Variants in TTC7B observed in about 807,000 individuals in gnomAD.
TTC7B encodes tetratricopeptide repeat protein 7B.
In TTC7B, 28 loss-of-function variants were observed where a neutral mutation model predicts 106.8. The ratio of observed to expected loss-of-function variants is 0.26; its 90% CI spans 0.19 to 0.36. The LOEUF is 0.36. Ranked by LOEUF, TTC7B falls within the 10% of genes least tolerant of loss-of-function variation. TTC7B has a pLI of 1.00. For synonymous variants in TTC7B, 405 were observed against 430.6 expected (o/e 0.94, Z 0.74); for missense variants, 862 against 1,076.4 (o/e 0.80, Z 2.79).
chr14:90,685,587 C>A (rs561729212), intron 7 of TTC7B, among the ~76,000 whole-genome samples: 37 of 151,242 alleles, frequency 2.4e-4, no homozygotes, highest in Non-Finnish European at 4.6e-4. Context: ...ACAAAATTGA[C>A]AAAACTTTTA....
chr14:90,621,993 T>C (rs905330811), intron 15 of TTC7B, among the ~76,000 whole-genome samples: 2 of 152,160 alleles, frequency 1.3e-5, no homozygotes, highest in African/African-American at 4.8e-5. Flanking sequence ...AAGAAAATTA[T>C]GGAAAAACTT....
chr14:90,755,075 T>C (rs957478248), intron 3 of TTC7B, among the ~76,000 whole-genome samples: 18 of 152,236 alleles, frequency 1.2e-4, no homozygotes, highest in African/African-American at 2.7e-4. Context: ...TATTCCATTA[T>C]ACGGATACAC....
At chr14:90,743,589 G>A (rs1454976071) in intron 4 of TTC7B, among the ~76,000 whole-genome samples, 3 of 152,116 alleles carry the variant, frequency 2.0e-5, no homozygotes, top group Non-Finnish European at 2.9e-5. Flanking sequence ...AGTGTCCTTG[G>A]TGAGAACTCC....
intron 5 of TTC7B, among the ~76,000 whole-genome samples, chr14:90,716,173 G>T (rs1888649087): frequency 6.6e-6 from 1 of 152,184 alleles, no homozygotes; most frequent in Admixed American, 6.5e-5. Flanking sequence ...GTGGGGGTCA[G>T]TGGGTGGAAA....
Position 90,541,175 on chromosome 14 carries a change from CAAAAAAA to C in TTC7B, c.*186_*192del. 2 of 462,156 alleles carry C rather than the reference CAAAAAAA, an allele frequency of 4.3e-6. No individual in the cohort carries two copies. Among genetic ancestry groups the C allele is most frequent in the Admixed American group, 3.9e-5 (1 of 25,844 alleles). The allele number at this position is 462,156 out of a possible 1,614,324, so 28.6% of individuals were successfully genotyped here. A position where few individuals can be genotyped will look rare whatever the true frequency, so the allele number is the denominator to read the frequency against. ...GGTTCAGAAACTACCATTGGGCTGG[CAAAAAAA>C]ACAAGAGAAACGCACATGGCGAGAG... On this transcript the variant is annotated 3_prime_UTR_variant, in exon 20 of 20. Transcript: ENST00000328459.
chr14:90,777,532 A>C (rs1891072428), intron 3 of TTC7B, among the ~76,000 whole-genome samples: 1 of 151,894 alleles, frequency 6.6e-6, no homozygotes, highest in Admixed American at 6.6e-5. Context: ...CTATCTGAAA[A>C]CCCTGGCCAA....
chr14:90,635,808 T>C (rs577873274), intron 15 of TTC7B, among the ~76,000 whole-genome samples: 11 of 142,890 alleles, frequency 7.7e-5, no homozygotes, highest in Non-Finnish European at 1.4e-4. Context: ...GAAGAGTACA[T>C]CCAAAACGTA....
intron 1 of TTC7B, among the ~76,000 whole-genome samples, chr14:90,801,318 G>A (rs72695569): frequency 0.041 from 6,265 of 151,552 alleles, 170 homozygotes; most frequent in Non-Finnish European, 0.058. Flanking sequence ...AAGAGTCCCC[G>A]GAAGGAACGC....
Position 90,610,815 on chromosome 14 carries a change from G to C in TTC7B, c.1893C>G (p.Leu631=). 1 of 1,613,950 alleles carries C rather than the reference G, an allele frequency of 6.2e-7. No individual in the cohort carries two copies. Among genetic ancestry groups the C allele is most frequent in the Non-Finnish European group, 8.5e-7 (1 of 1,179,860 alleles). ...NPSDSGRGSS[L]LDRTIADRRQ... is the part of the protein sequence containing the mutation. The stretch of plus-strand genomic sequence containing the variant: ...GTCTGTCAGCAATGGTTCTATCTAA[G>C]AGGCTGCTCCCACGTCCAGAATCAC... Residue 631 remains leucine, a synonymous_variant, in exon 17 of 20, where the codon CTC becomes CTG. Coordinates refer to ENST00000328459, the MANE Select transcript of TTC7B (RefSeq NM_001010854.2).
chr14:90,581,109 G>A lies in TTC7B; in HGVS notation c.2108-2801C>T, dbSNP rs61987004. Among the ~76,000 whole-genome samples the A allele has an allele frequency of 5.8e-3, 883 of 152,324 alleles. 4 individuals carry two copies. Among genetic ancestry groups the A allele is most frequent in the South Asian group, 0.014 (68 of 4,824 alleles). ...GGCCCAGATGCACACAGTGCCTTCT[G>A]TCTGTACTTGTGCCTGCCAGTCCCT... On this transcript the variant is annotated intron_variant, in intron 18 of 19. Coordinates refer to ENST00000328459, the MANE Select transcript of TTC7B (RefSeq NM_001010854.2).
At chr14:90,623,466 C>T (rs1259033118) in intron 15 of TTC7B, among the ~76,000 whole-genome samples, 1 of 152,198 alleles carries the variant, frequency 6.6e-6, no homozygotes, top group African/African-American at 2.4e-5. Flanking sequence ...AAAGAAGATC[C>T]ATTGCCAAAT....
At chr14:90,598,684 C>T (rs900042055) in intron 17 of TTC7B, among the ~76,000 whole-genome samples, 12 of 152,212 alleles carry the variant, frequency 7.9e-5, no homozygotes, top group African/African-American at 2.4e-4. Context: ...GACACTGGGA[C>T]GGCTAGCTCA....
intron 16 of TTC7B, among the ~76,000 whole-genome samples, chr14:90,615,036 G>T (rs1481685872): frequency 2.0e-5 from 3 of 152,166 alleles, no homozygotes; most frequent in Admixed American, 6.5e-5. Flanking sequence ...TAGAATCCAG[G>T]CTTCTGAAAT....
chr14:90,693,589 C>T (rs762267946), intron 6 of TTC7B, among the ~76,000 whole-genome samples: 9 of 152,150 alleles, frequency 5.9e-5, no homozygotes, highest in Admixed American at 3.9e-4. Context: ...CAGCAGAGAA[C>T]GCTGCCAACA....
chr14:90,541,441 C>T lies in TTC7B; in HGVS notation c.2459G>A (p.Cys820Tyr), dbSNP rs1432614815. Reference sequence around the variant, plus strand: ...CTCCAGCTCCAAGGCTGTCAGGAAGCACTCCGTAGCCGCCGCATCGTTGCC... The same window carrying T: ...CTCCAGCTCCAAGGCTGTCAGGAAGTACTCCGTAGCCGCCGCATCGTTGCC... ...AQGNDAAATECFLTALELEAS... is the reference protein window; with the variant it reads ...AQGNDAAATEYFLTALELEAS... The change falls in exon 20 of 20, where the codon TGC (cysteine) becomes TAC (tyrosine). Residue 820 changes from cysteine to tyrosine, a missense_variant. Physicochemically the swap from Cys to Tyr is radical, Grantham distance 194. Transcript: ENST00000328459. 1.2e-6 allele frequency: 2 copies of T among 1,613,394 alleles called. No individual in the cohort carries two copies. The highest frequency in any genetic ancestry group is 1.1e-5 in the South Asian group (1 of 91,018).
At position 90,608,786 on chromosome 14, in the gene TTC7B, T is replaced by C. The variant is rs868756062; in HGVS notation, c.1966+1956A>G. On this transcript the variant is annotated intron_variant, in intron 17 of 19. Transcript: ENST00000328459. The surrounding 1 kb of genome is among the most constrained non-coding windows in gnomAD (Gnocchi z 5.1). ...ACGGGAAGAATGAATAACAAGGACC[T>C]CATTTATTTTCTGACACTACCTGTT... 6.6e-6 allele frequency among the ~76,000 whole-genome samples: 1 copy of C among 152,194 alleles called. No individual in the cohort carries two copies. Among genetic ancestry groups the C allele is most frequent in the Non-Finnish European group, 1.5e-5 (1 of 68,026 alleles).
intron 3 of TTC7B, among the ~76,000 whole-genome samples, chr14:90,752,984 G>A (rs2140008976): frequency 6.6e-6 from 1 of 152,254 alleles, no homozygotes; most frequent in Admixed American, 6.5e-5. Flanking sequence ...CAGATCGCTG[G>A]GCCTCCTATT....
Position 90,794,735 on chromosome 14 carries a change from G to A in TTC7B, c.122-8407C>T, listed in dbSNP as rs541851634. Among the ~76,000 whole-genome samples, 11 of 152,236 alleles carry A rather than the reference G, an allele frequency of 7.2e-5. No individual in the cohort carries two copies. The East Asian group carries it at 1.9e-3, about 27-fold the overall frequency. ...TCCGAAATTTTTCAAAAGTCCAGGC[G>A]CTAAGTTAATCTCCCAACAAATTAT... On this transcript the variant is annotated intron_variant, in intron 1 of 19. Coordinates refer to ENST00000328459, the MANE Select transcript of TTC7B (RefSeq NM_001010854.2).
At chr14:90,573,379 C>T (rs1160015101) in intron 19 of TTC7B, among the ~76,000 whole-genome samples, 1 of 150,964 alleles carries the variant, frequency 6.6e-6, no homozygotes, top group Non-Finnish European at 1.5e-5. Flanking sequence ...CCTCTCAGCT[C>T]ACGGTCCCTC....
Sources: gnomAD v4.1 joint callset for allele counts (sites outside exome capture counted in the v4.1 genomes callset) on GRCh38, gnomAD v4.1.1 for gene constraint, Gnocchi (gnomAD v3.1) non-coding constraint, MANE v1.5 for transcripts, NCBI Gene and HGNC (gene_info 2026-07-23, HGNC 2026-07-21) for gene names.